CDH18: variants seen among roughly 807,000 people sequenced by gnomAD.
CDH18 encodes cadherin 18.
CDH18 carries 31 observed loss-of-function variants against 67.9 expected under a neutral mutation model. The ratio of observed to expected loss-of-function variants is 0.46; its 90% CI spans 0.34 to 0.62. The LOEUF is 0.62. Ranked by LOEUF, CDH18 falls within the 20% of genes least tolerant of loss-of-function variation. The pLI is 0.01. For missense variants in CDH18, 890 were observed against 975.5 expected (o/e 0.91, Z 1.17); for synonymous variants, 362 against 347.2 (o/e 1.04, Z -0.48).
chr5:19,696,500 C>A (rs907086446), intron 5 of CDH18, among the ~76,000 whole-genome samples: 1 of 151,480 alleles, frequency 6.6e-6, no homozygotes, highest in South Asian at 2.1e-4. Context: ...TGATCCACTG[C>A]ACTCCAGCTT....
intron 12 of CDH18, chr5:19,478,392 G>C (rs377562138): frequency 4.6e-5 from 7 of 152,140 alleles, no homozygotes; most frequent in African/African-American, 1.7e-4. Flanking sequence ...TTGACTTACG[G>C]AGTGTGACTT....
At chr5:20,570,123 T>A (rs918233799) in intron 1 of CDH18, among the ~76,000 whole-genome samples, 11 of 152,166 alleles carry the variant, frequency 7.2e-5, no homozygotes, top group Non-Finnish European at 1.2e-4. Flanking sequence ...TATATGTTTG[T>A]CAAAATTTAT....
intron 8 of CDH18, among the ~76,000 whole-genome samples, chr5:19,554,512 TGCAGTCCAGGCTGG>T (rs1738033898): frequency 2.0e-5 from 3 of 151,294 alleles, no homozygotes; most frequent in South Asian, 2.1e-4. Flanking sequence ...ATCACACCAC[TGCAGTCCAGGCTGG>T]GCAAGAAGAG....
chr5:20,106,434 C>G (rs769303536), intron 2 of CDH18, among the ~76,000 whole-genome samples: 29 of 152,138 alleles, frequency 1.9e-4, no homozygotes, highest in Non-Finnish European at 3.5e-4. Flanking sequence ...CTGCTAGAAC[C>G]TTCACAGATT....
rs879329469 is a variant in CDH18 at position 19,862,330 on chromosome 5, ATTATC to A, written c.-256-23093_-256-23089del. The stretch of plus-strand genomic sequence containing the variant: ...TCACAATTCTTTTGCACTATATTTT[ATTATC>A]TCAAAAACACACCTTTGTGTCTATA... On this transcript the variant is annotated intron_variant, in intron 2 of 12. Coordinates refer to ENST00000382275, the MANE Select transcript of CDH18 (RefSeq NM_004934.5). 1.8e-3 allele frequency among the ~76,000 whole-genome samples: 275 copies of A among 152,254 alleles called. 1 individual carries two copies. The highest frequency in any genetic ancestry group is 6.1e-3 in the African/African-American group (252 of 41,548).
At chr5:19,817,633 T>C (rs1779430580) in intron 3 of CDH18, among the ~76,000 whole-genome samples, 1 of 152,216 alleles carries the variant, frequency 6.6e-6, no homozygotes, top group African/African-American at 2.4e-5. Flanking sequence ...TCAAAGTTTA[T>C]AGTTCATGGC....
chr5:20,166,864 T>A (rs1238304457), intron 2 of CDH18, among the ~76,000 whole-genome samples: 1 of 152,174 alleles, frequency 6.6e-6, no homozygotes, highest in East Asian at 1.9e-4. Flanking sequence ...CTTTATGAGC[T>A]GTGGCCAATG....
At chr5:20,345,658 C>T (rs1740639648) in intron 1 of CDH18, among the ~76,000 whole-genome samples, 1 of 151,850 alleles carries the variant, frequency 6.6e-6, no homozygotes, top group African/African-American at 2.4e-5. Context: ...CCCACCTAAC[C>T]CAGGATATAA....
chr5:20,556,287 A>G (rs1450895011), intron 1 of CDH18, among the ~76,000 whole-genome samples: 1 of 152,172 alleles, frequency 6.6e-6, no homozygotes, highest in East Asian at 1.9e-4. Flanking sequence ...CAGATCTAAA[A>G]GGCCTTCCAT....
chr5:20,291,539 G>A (rs1747104204), intron 1 of CDH18, among the ~76,000 whole-genome samples: 1 of 152,146 alleles, frequency 6.6e-6, no homozygotes. Flanking sequence ...AGTGGAAGCA[G>A]AAAGAATATT....
chr5:20,261,281 T>C (rs1241588164), intron 1 of CDH18, among the ~76,000 whole-genome samples: 3 of 152,046 alleles, frequency 2.0e-5, no homozygotes, highest in Non-Finnish European at 4.4e-5. Flanking sequence ...ACCTGGAAAA[T>C]AAATTTTTAG....
chr5:19,686,688 T>C (rs1007762034), intron 5 of CDH18, among the ~76,000 whole-genome samples: 8 of 152,170 alleles, frequency 5.3e-5, no homozygotes, highest in Admixed American at 2.0e-4. Context: ...GTGGAACACA[T>C]TGTGTTTTCA....
chr5:19,994,453 T>C (rs901416490), intron 2 of CDH18, among the ~76,000 whole-genome samples: 9 of 150,828 alleles, frequency 6.0e-5, no homozygotes, highest in Admixed American at 1.3e-4. Flanking sequence ...GTTTTTGATA[T>C]AAACAATGCT....
intron 12 of CDH18, among the ~76,000 whole-genome samples, chr5:19,474,685 A>G (rs73760022): frequency 0.055 from 8,373 of 152,180 alleles, 265 homozygotes; most frequent in African/African-American, 0.068. Context: ...ACAGGTAATG[A>G]TATTTCTACT....
At chr5:19,886,947 A>G (rs1217482078) in intron 2 of CDH18, among the ~76,000 whole-genome samples, 1 of 152,120 alleles carries the variant, frequency 6.6e-6, no homozygotes, top group Non-Finnish European at 1.5e-5. Flanking sequence ...ACATTGCTAT[A>G]TATTATTGCA....
intron 2 of CDH18, among the ~76,000 whole-genome samples, chr5:19,998,455 G>A (rs929333393): frequency 1.3e-5 from 2 of 152,158 alleles, no homozygotes; most frequent in African/African-American, 2.4e-5. Flanking sequence ...TAGTTTGAAG[G>A]AAGGAGATAA....
intron 1 of CDH18, among the ~76,000 whole-genome samples, chr5:20,384,029 T>G (rs1744115109): frequency 6.6e-6 from 1 of 152,072 alleles, no homozygotes; most frequent in African/African-American, 2.4e-5. Context: ...ACTTAAATAT[T>G]TAGCAAGCAG....
rs77428377 is a variant in CDH18 at position 20,045,580 on chromosome 5, T to C, written c.-517-53566A>G. 0.019 allele frequency among the ~76,000 whole-genome samples: 2,822 copies of C among 147,588 alleles called. 187 individuals are homozygous for C. In the East Asian group the frequency reaches 0.26, roughly 13 times the overall value. ...AGGTCATGCAAAAATAGAAAACACA[T>C]ATATATATATATATGAAAAAATATG... is the stretch of plus-strand genomic sequence containing the variant. On this transcript the variant is annotated intron_variant, in intron 2 of 14. Coordinates refer to the CDH18 transcript ENST00000507958.
At chr5:19,647,476 G>A (rs1173370376) in intron 5 of CDH18, among the ~76,000 whole-genome samples, 1 of 122,964 alleles carries the variant, frequency 8.1e-6, no homozygotes, top group Non-Finnish European at 1.6e-5. Context: ...GTTGCAGTGA[G>A]CCAAGATCAT....
Sources: allele counts gnomAD v4.1 joint callset (sites outside exome capture counted in the v4.1 genomes callset), GRCh38; gene constraint gnomAD v4.1.1; transcripts MANE v1.5; gene names NCBI Gene and HGNC (gene_info 2026-07-23, HGNC 2026-07-21).